ARHGAP32: variants seen among roughly 807,000 people sequenced by gnomAD.
ARHGAP32 encodes the protein rho GTPase-activating protein 32.
ARHGAP32 carries 51 observed loss-of-function variants against 186.5 expected under a neutral mutation model. That is an observed-to-expected ratio of 0.27 (90% CI 0.22 to 0.35). The LOEUF (loss-of-function observed/expected upper bound fraction) is 0.35. Ranked by LOEUF, ARHGAP32 falls within the 10% of genes least tolerant of loss-of-function variation. ARHGAP32 has a pLI of 1.00. For missense variants in ARHGAP32, 2,186 were observed against 2,623.5 expected (o/e 0.83, Z 3.64); for synonymous variants, 950 against 964.3 (o/e 0.99, Z 0.27).
chr11:129,091,170 A>G (rs902851779), intron 6 of ARHGAP32, among the ~76,000 whole-genome samples: 15 of 152,160 alleles, frequency 9.9e-5, no homozygotes, highest in African/African-American at 3.6e-4. Flanking sequence ...GCTAGTATTC[A>G]GCTAAGACAC....
intron 11 of ARHGAP32, among the ~76,000 whole-genome samples, chr11:129,021,588 T>G (rs1003572935): frequency 1.3e-5 from 2 of 152,112 alleles, no homozygotes; most frequent in East Asian, 1.9e-4. Context: ...ATTACACACT[T>G]ACTTTTCTAG....
intron 12 of ARHGAP32, among the ~76,000 whole-genome samples, chr11:128,989,525 C>CACACACACACACAA (rs1945977960): frequency 6.7e-6 from 1 of 149,244 alleles, no homozygotes; most frequent in Admixed American, 6.6e-5. Context: ...TTCACACACA[C>CACACACACACACAA]ACACACACAC....
intron 6 of ARHGAP32, among the ~76,000 whole-genome samples, chr11:129,076,967 G>C (rs573496025): frequency 1.3e-5 from 2 of 152,232 alleles, no homozygotes; most frequent in Non-Finnish European, 2.9e-5. Context: ...GTCTGCCTCT[G>C]AACACTCATC....
In ARHGAP32 at chr11:128,972,457, T is replaced by A. The variant is rs1945405778; in HGVS notation, c.4049A>T (p.His1350Leu). ...AATNIGLNNS[H>L]KVQGVVPVPE... Reference sequence around the variant, plus strand: ...CTGATATCTTCCCCTTCTTACCTTGTGGGAATTATTTAATCCTATATTGGT... The same window carrying A: ...CTGATATCTTCCCCTTCTTACCTTGAGGGAATTATTTAATCCTATATTGGT... The change falls in exon 22 of 23, where the codon CAC becomes CTC. Residue 1350 changes from histidine to leucine, a missense_variant. Coordinates refer to ENST00000682385, the MANE Select transcript of ARHGAP32 (RefSeq NM_001378024.1). The A allele has an allele frequency of 6.6e-7, 1 of 1,511,462 alleles. No individual in the cohort carries two copies. 93.6% of individuals were successfully genotyped at this position (1,511,462 alleles called of 1,614,324 possible).
chr11:128,998,722 G>A (rs1946266956), intron 11 of ARHGAP32, among the ~76,000 whole-genome samples: 1 of 152,200 alleles, frequency 6.6e-6, no homozygotes. Flanking sequence ...CATGGCAGAA[G>A]AACATAAATT....
intron 1 of ARHGAP32, among the ~76,000 whole-genome samples, chr11:129,238,679 G>A (rs1236295073): frequency 6.6e-6 from 1 of 151,476 alleles, no homozygotes; most frequent in Non-Finnish European, 1.5e-5. Context: ...GGAGTTCCAG[G>A]GCAGCCTGGT....
rs79735649 is a variant in ARHGAP32 at position 129,045,250 on chromosome 11, C to G, written c.964-4241G>C. ...TGTCTCCTCCTCTGTGCCGTGAGCACAGGTGTCATGACTAGATCTGTCGTG... is the reference window on the plus strand; with the variant it reads ...TGTCTCCTCCTCTGTGCCGTGAGCAGAGGTGTCATGACTAGATCTGTCGTG... On this transcript the variant is annotated intron_variant, in intron 10 of 22. Transcript: ENST00000682385. Among the ~76,000 whole-genome samples the G allele has an allele frequency of 3.0e-3, 452 of 152,340 alleles. 10 individuals are homozygous for G. In the East Asian group the frequency reaches 0.063, roughly 21 times the overall value.
chr11:129,255,266 T>G (rs939159785), intron 1 of ARHGAP32, among the ~76,000 whole-genome samples: 2 of 152,080 alleles, frequency 1.3e-5, no homozygotes, highest in African/African-American at 4.8e-5. Flanking sequence ...ACAACAAAGC[T>G]GACACTGCAA....
intron 5 of ARHGAP32, among the ~76,000 whole-genome samples, chr11:129,095,857 T>G (rs1690835605): frequency 6.6e-6 from 1 of 152,186 alleles, no homozygotes; most frequent in South Asian, 2.1e-4. Flanking sequence ...GATCTGGGCT[T>G]CATAGCAAAG....
intron 2 of ARHGAP32, among the ~76,000 whole-genome samples, chr11:129,130,557 AAC>A (rs1007870700): frequency 3.3e-5 from 5 of 152,162 alleles, no homozygotes; most frequent in African/African-American, 9.6e-5. Context: ...GCAAAAAAAA[AAC>A]CTCAACAGTT....
At chr11:129,265,126 CT>C (rs1945378742) in intron 1 of ARHGAP32, among the ~76,000 whole-genome samples, 1 of 152,242 alleles carries the variant, frequency 6.6e-6, no homozygotes, top group Non-Finnish European at 1.5e-5. Context: ...TCTACACTCA[CT>C]GTCAACCTGT....
chr11:129,033,158 T>G (rs1388256293), intron 11 of ARHGAP32, among the ~76,000 whole-genome samples: 2 of 152,240 alleles, frequency 1.3e-5, no homozygotes, highest in Non-Finnish European at 2.9e-5. Flanking sequence ...TGTATATATC[T>G]TCATTTATTC....
At chr11:129,171,551 C>G (rs954318748) in intron 1 of ARHGAP32, among the ~76,000 whole-genome samples, 1 of 152,114 alleles carries the variant, frequency 6.6e-6, no homozygotes, top group Non-Finnish European at 1.5e-5. Flanking sequence ...GGTACCAGTA[C>G]CCTGCTGTTT....
upstream of ARHGAP32, among the ~76,000 whole-genome samples, chr11:129,193,621 TATA>T (rs1166229393): frequency 2.5e-5 from 2 of 78,858 alleles, no homozygotes; most frequent in Non-Finnish European, 4.7e-5. Flanking sequence ...ATATATGTTA[TATA>T]ATATATATAA....
Position 128,968,957 on chromosome 11 carries a change from G to C in ARHGAP32, c.6256C>G (p.Pro2086Ala), listed in dbSNP as rs772584817. Residue 2086 changes from proline (P) to alanine (A), a missense_variant, in exon 23 of 23, where the codon CCC (proline) becomes GCC (alanine). Around this residue, in one of 5 missense-constraint regions of ARHGAP32, gnomAD observed 1,502 missense variants for 1,570.0 expected, o/e 0.96. Coordinates refer to ENST00000682385, the MANE Select transcript of ARHGAP32 (RefSeq NM_001378024.1). ...GGATGCTGCAAGGACAACTCTGCGG[G>C]CAGGAAGGCCCCTTGACCCAACGCT... ...ATALGQGAFL[P>A]AELSLQHPET... The C allele has an allele frequency of 5.1e-6, 8 of 1,566,378 alleles. No homozygotes were observed. In the East Asian group the frequency reaches 1.6e-4, roughly 31 times the overall value.
At chr11:129,111,807 T>C (rs1942224521) in intron 5 of ARHGAP32, among the ~76,000 whole-genome samples, 2 of 152,148 alleles carry the variant, frequency 1.3e-5, no homozygotes, top group African/African-American at 4.8e-5. Context: ...TAGCCCATGC[T>C]GGAGTGCAGC....
At chr11:128,986,191 A>T in intron 14 of ARHGAP32, 106 bp from the exon 15 acceptor site, 1 of 870,686 alleles carries the variant, frequency 1.1e-6, no homozygotes. Context: ...TTGCTCTTGG[A>T]TGTGAAATGG....
intron 11 of ARHGAP32, among the ~76,000 whole-genome samples, chr11:129,028,416 T>C (rs1159877378): frequency 6.6e-6 from 1 of 152,098 alleles, no homozygotes; most frequent in Non-Finnish European, 1.5e-5. Flanking sequence ...GGGGAAAAAA[T>C]GGCTGCAAAG....
At chr11:129,045,779 T>C (rs1268436107) in intron 10 of ARHGAP32, among the ~76,000 whole-genome samples, 1 of 152,144 alleles carries the variant, frequency 6.6e-6, no homozygotes, top group Non-Finnish European at 1.5e-5. Flanking sequence ...CAGAATTGGG[T>C]ATATTGGCAG....
Sources: gnomAD v4.1 joint callset for allele counts (sites outside exome capture counted in the v4.1 genomes callset) on GRCh38, gnomAD v4.1.1 for gene constraint, gnomAD v4.1.1 regional missense constraint, MANE v1.5 for transcripts, NCBI Gene and HGNC (gene_info 2026-07-23, HGNC 2026-07-21) for gene names.